Variants in LLGL2 observed in about 807,000 individuals in gnomAD.
LLGL2 encodes the protein LLGL2, scribble cell polarity complex component.
LLGL2 carries 81 observed loss-of-function variants against 123.2 expected under a neutral mutation model. The ratio of observed to expected loss-of-function variants is 0.66; its 90% CI spans 0.55 to 0.79. The LOEUF (loss-of-function observed/expected upper bound fraction) is 0.79, where lower values mean the gene tolerates loss of function less well. Among genes scored for constraint, LLGL2 ranks in the 30% least tolerant of loss-of-function variants. The pLI is 0.00. For missense variants in LLGL2, 1,273 were observed against 1,414.6 expected (o/e 0.90, Z 1.61); for synonymous variants, 577 against 594.1 (o/e 0.97, Z 0.42).
intron 3 of LLGL2, among the ~76,000 whole-genome samples, chr17:75,557,634 C>G (rs1456606924): frequency 6.6e-6 from 1 of 152,196 alleles, no homozygotes; most frequent in Non-Finnish European, 1.5e-5. Context: ...GTATGGAGCA[C>G]TCGAGTTCCA....
In LLGL2 at chr17:75,563,737, T is replaced by A; in HGVS notation, c.827-15T>A. The A allele has an allele frequency of 1.2e-6, 2 of 1,614,070 alleles. No individual in the cohort carries two copies. Among genetic ancestry groups the A allele is most frequent in the South Asian group, 2.2e-5 (2 of 91,076 alleles). ...GAGTTTGAGGATCCGTTCAAGCCGA[T>A]TCCTTTCCTTTCAGGTCCCTTTCCT... On this transcript the variant is annotated splice_polypyrimidine_tract_variant and intron_variant, in intron 8 of 25. Coordinates refer to ENST00000392550, the MANE Select transcript of LLGL2 (RefSeq NM_001031803.2).
chr17:75,530,978 C>T (rs2147084341), intron 1 of LLGL2, among the ~76,000 whole-genome samples: 1 of 152,212 alleles, frequency 6.6e-6, no homozygotes. Context: ...GAGCCGGTTG[C>T]CTGGGAGTCT....
chr17:75,573,758 T>C (rs1011014758), intron 21 of LLGL2, 127 bp downstream of exon 21: 2 of 1,232,594 alleles, frequency 1.6e-6, no homozygotes, highest in African/African-American at 1.5e-5. Flanking sequence ...CCTCCCAGGC[T>C]CCGGCTCTCC....
At chr17:75,548,602 T>C (rs950492141) in intron 2 of LLGL2, among the ~76,000 whole-genome samples, 2 of 151,386 alleles carry the variant, frequency 1.3e-5, no homozygotes, top group African/African-American at 4.9e-5. Context: ...GAGTTCGAGA[T>C]CAGCCTAGCC....
At chr17:75,526,752 A>G (rs1218248346) in intron 1 of LLGL2, among the ~76,000 whole-genome samples, 2 of 152,062 alleles carry the variant, frequency 1.3e-5, no homozygotes, top group Non-Finnish European at 2.9e-5. Context: ...TACAGAGAGG[A>G]TTCTGAGCAG....
chr17:75,526,375 G>T (rs1449077518), intron 1 of LLGL2, among the ~76,000 whole-genome samples: 1 of 152,264 alleles, frequency 6.6e-6, no homozygotes, highest in Admixed American at 6.5e-5. Flanking sequence ...CAGCTGGGGC[G>T]GCTTTGGACA....
chr17:75,571,135 TA>T, intron 17 of LLGL2, 35 bp downstream of exon 17: 4 of 1,497,882 alleles, frequency 2.7e-6, no homozygotes, highest in Non-Finnish European at 3.7e-6. Context: ...GGGCAGGGGG[TA>T]GTGGGCAGCA....
rs2054564352 is a variant in LLGL2 at position 75,549,338 on chromosome 17, C to T, written c.75+5837C>T. Among the ~76,000 whole-genome samples, 1 of 152,150 alleles carries T rather than the reference C, an allele frequency of 6.6e-6. No individual in the cohort carries two copies. Among genetic ancestry groups the T allele is most frequent in the Admixed American group, 6.5e-5 (1 of 15,288 alleles). On this transcript the variant is annotated intron_variant, in intron 2 of 25. Coordinates refer to ENST00000392550, the MANE Select transcript of LLGL2 (RefSeq NM_001031803.2). The surrounding 1 kb of genome is among the most constrained non-coding windows in gnomAD (Gnocchi z 4.0). ...GACAACTGCTCACAGCCAGCTCGCT[C>T]CCCTCGGCCAAACCCAGGCACACCC...
intron 21 of LLGL2, 37 bp from the exon 22 acceptor site, chr17:75,573,915 C>G: frequency 6.5e-7 from 1 of 1,550,242 alleles, no homozygotes; most frequent in South Asian, 1.2e-5. Flanking sequence ...GGCAGGGAGC[C>G]CGGGGGCCCT....
Position 75,574,908 on chromosome 17 carries a change from C to T in LLGL2, c.*30C>T, listed in dbSNP as rs1456969182. The T allele has an allele frequency of 1.9e-6, 3 of 1,613,806 alleles. No homozygotes were observed. The highest frequency in any genetic ancestry group is 1.6e-4 in the Middle Eastern group (1 of 6,084). Reference sequence around the variant, plus strand: ...CTGAGCGTCCAGGCTGCGCGATGAGCACACACTACTACTGATGGCCTTTCG... The same window carrying T: ...CTGAGCGTCCAGGCTGCGCGATGAGTACACACTACTACTGATGGCCTTTCG... On this transcript the variant is annotated 3_prime_UTR_variant, in exon 26 of 26. Transcript: ENST00000392550.
rs548187505 is a variant in LLGL2 at position 75,530,015 on chromosome 17, G to A, written c.-31+4190G>A. Among the ~76,000 whole-genome samples the A allele has an allele frequency of 1.5e-3, 228 of 152,328 alleles. 1 individual carries two copies. Among genetic ancestry groups the A allele is most frequent in the Non-Finnish European group, 2.7e-3 (185 of 68,046 alleles). On this transcript the variant is annotated intron_variant, in intron 1 of 25. Transcript: ENST00000392550. ...TTTGTTTTCACAGATGAGAAGATGA[G>A]AAAGGTCACTAGCACGTGTGGCCTG...
chr17:75,550,829 A>C (rs1456102996), intron 2 of LLGL2, among the ~76,000 whole-genome samples: 1 of 150,256 alleles, frequency 6.7e-6, no homozygotes, highest in Non-Finnish European at 1.5e-5. Context: ...CTAGGGGGCA[A>C]CTGGGGCACA....
Position 75,574,644 on chromosome 17 carries a change from G to A in LLGL2, c.3031G>A (p.Gly1011Arg). The A allele has an allele frequency of 6.2e-7, 1 of 1,612,286 alleles. No homozygotes were observed. The highest frequency in any genetic ancestry group is 1.3e-5 in the African/African-American group (1 of 75,038). Residue 1011 changes from glycine to arginine, a missense_variant, in exon 25 of 26, where the codon GGG (glycine) becomes AGG (arginine). By Grantham distance (125) the Gly-to-Arg change is moderately radical (BLOSUM62 -2). Transcript: ENST00000392550. ...GNWRSHRAAV[G>R]CSLSNGGAE is the part of the protein sequence containing the mutation. ...CTGGCGTTCACATCGAGCCGCCGTG[G>A]GGTGCAGCCTCAGCAATGGCGGAGG...
At chr17:75,555,047 G>A (rs528482415) in intron 2 of LLGL2, among the ~76,000 whole-genome samples, 27 of 150,806 alleles carry the variant, frequency 1.8e-4, no homozygotes, top group African/African-American at 6.6e-4. Flanking sequence ...CATGGTGGTG[G>A]GCACCTGTAG....
At chr17:75,574,303 G>GGT in intron 23 of LLGL2, 43 bp downstream of exon 23, 1 of 513,420 alleles carries the variant, frequency 1.9e-6, no homozygotes, top group Non-Finnish European at 3.5e-6. Flanking sequence ...GAGGGGTGGG[G>GGT]AAGGGGGGTC....
intron 6 of LLGL2, chr17:75,562,496 T>C (rs2055264804): frequency 6.1e-6 from 1 of 163,226 alleles, no homozygotes; most frequent in Non-Finnish European, 1.4e-5. Context: ...TTTACATCAC[T>C]GGAGGTTGTG....
intron 1 of LLGL2, among the ~76,000 whole-genome samples, chr17:75,534,047 T>A (rs2053911496): frequency 6.6e-6 from 1 of 152,250 alleles, no homozygotes; most frequent in African/African-American, 2.4e-5. Flanking sequence ...GAAAGGGGCC[T>A]GATTGGATGG....
At position 75,573,616 on chromosome 17, in the gene LLGL2, C is replaced by T; in HGVS notation, c.2861C>T (p.Ala954Val). 2 of 1,608,716 alleles carry T rather than the reference C, an allele frequency of 1.2e-6. No homozygotes were observed. ...GGTAACGGTGCGGGCCCCAAGAAGG[C>T]CCCGAGCCGAGCCAGGTGAGTGAAA... The part of the protein sequence containing the change: ...RPGNGAGPKK[A>V]PSRARNSGTQ... Residue 954 changes from alanine to valine, a missense_variant, in exon 21 of 26, where the codon GCC becomes GTC. Coordinates refer to ENST00000392550, the MANE Select transcript of LLGL2 (RefSeq NM_001031803.2).
Position 75,573,503 on chromosome 17 carries a change from G to A in LLGL2, c.2748G>A (p.Ser916=), listed in dbSNP as rs761898691. The stretch of plus-strand genomic sequence containing the variant: ...CAGGCTTCTACCTGATCTCACCCTC[G>A]GAGTTTGAGCGCTTCTCTCTCTCCA... ...YGQGFYLISP[S]EFERFSLSTK... is the part of the protein sequence containing the mutation. The change falls in exon 21 of 26, where the codon TCG becomes TCA. Residue 916 remains serine (S), a synonymous_variant. Transcript: ENST00000392550. The A allele has an allele frequency of 1.1e-5, 18 of 1,611,612 alleles. No individual in the cohort carries two copies. Among genetic ancestry groups the A allele is most frequent in the East Asian group, 6.7e-5 (3 of 44,814 alleles).
Sources: allele counts gnomAD v4.1 joint callset (sites outside exome capture counted in the v4.1 genomes callset), GRCh38; gene constraint gnomAD v4.1.1; non-coding constraint Gnocchi (gnomAD v3.1); transcripts MANE v1.5; gene names NCBI Gene and HGNC (gene_info 2026-07-23, HGNC 2026-07-21).